The following IL17RE variants were observed in gnomAD, a reference collection of about 807,000 sequenced individuals.
IL17RE encodes interleukin-17 receptor E.
Under a neutral mutation model 70.7 loss-of-function variants are expected in IL17RE, and 47 were observed. The observed-to-expected ratio is 0.67, with a 90% CI of 0.53 to 0.85. The LOEUF (loss-of-function observed/expected upper bound fraction) is 0.85. Ranked by LOEUF, IL17RE falls within the 40% of genes least tolerant of loss-of-function variation. The probability of loss-of-function intolerance (pLI) is 0.00; values close to 1 mark genes in which losing one functional copy is unlikely to be tolerated. For missense variants in IL17RE, 850 were observed against 893.9 expected, an observed-to-expected ratio of 0.95 and a Z score of 0.63; for synonymous variants, 372 against 381.2, an observed-to-expected ratio of 0.98 and a Z score of 0.28.
In IL17RE at chr3:9,915,521, G is replaced by T; in HGVS notation, c.1718G>T (p.Arg573Leu). ...DLRPVSGPDP[R>L]AAPLLALLHA... ...CGCCCGGTCAGCGGCCCCGACCCCC[G>T]CGCCGCGCCCCTGCTCGCCCTGCTC... Residue 573 changes from arginine to leucine, a missense_variant, in exon 16 of 16, where the codon CGC (arginine) becomes CTC (leucine). By Grantham distance (102) the Arg-to-Leu change is moderately radical. Coordinates refer to ENST00000383814, the MANE Select transcript of IL17RE (RefSeq NM_153480.2). The surrounding 1 kb of genome is among the most constrained non-coding windows in gnomAD (Gnocchi z 4.9). 7.6e-7 allele frequency: 1 copy of T among 1,320,596 alleles called. No homozygotes were observed. Among genetic ancestry groups the T allele is most frequent in the African/African-American group, 1.5e-5 (1 of 64,884 alleles). The allele number at this position is 1,320,596 out of a possible 1,614,324, so 81.8% of individuals were successfully genotyped here.
chr3:9,903,770 C>T (rs1271432320), intron 2 of IL17RE, among the ~76,000 whole-genome samples: 3 of 152,176 alleles, frequency 2.0e-5, no homozygotes, highest in African/African-American at 7.2e-5. Flanking sequence ...TAACTGATCC[C>T]TCACTTCTAT....
chr3:9,902,656 T>TA, upstream of IL17RE: 2 of 1,536,160 alleles, frequency 1.3e-6, no homozygotes, highest in Non-Finnish European at 8.7e-7. Context: ...CCTTTCCTGT[T>TA]ACTTCTCACC....
chr3:9,914,407 C>T, intron 13 of IL17RE, 141 bp from the exon 14 acceptor site: 1 of 1,513,632 alleles, frequency 6.6e-7, no homozygotes, highest in South Asian at 1.3e-5. Context: ...GCCAGGCTAG[C>T]AGCTGGAGCA....
At chr3:9,911,377 A>C in intron 11 of IL17RE, 66 bp from the exon 12 acceptor site, 1 of 1,612,910 alleles carries the variant, frequency 6.2e-7, no homozygotes, top group Non-Finnish European at 8.5e-7. Flanking sequence ...GCTAAACCCC[A>C]GCCCAGCCCT....
At position 9,915,988 on chromosome 3, in the gene IL17RE, T is replaced by A; in HGVS notation, c.*181T>A. On this transcript the variant is annotated 3_prime_UTR_variant, in exon 16 of 16. Coordinates refer to ENST00000383814, the MANE Select transcript of IL17RE (RefSeq NM_153480.2). The surrounding 1 kb of genome is among the most constrained non-coding windows in gnomAD (Gnocchi z 4.9). ...GCCCAGTCCCCGCGCGCGTCCCTCT[T>A]CCTCCTCATACTTTCCCTTGACTGA... 8.9e-7 allele frequency: 1 copy of A among 1,119,782 alleles called. No homozygotes were observed. Among genetic ancestry groups the A allele is most frequent in the Non-Finnish European group, 1.2e-6 (1 of 855,076 alleles). 69.4% of individuals were successfully genotyped at this position (1,119,782 alleles called of 1,614,324 possible).
intron 12 of IL17RE, 155 bp downstream of exon 12, chr3:9,911,752 CT>C: frequency 8.8e-6 from 6 of 679,410 alleles, no homozygotes; most frequent in African/African-American, 1.8e-5. Context: ...CTCTGTTCAG[CT>C]AACTTGCTGA....
At chr3:9,909,091 C>A (rs968081035) in intron 7 of IL17RE, 126 bp from the exon 8 acceptor site, 3 of 722,908 alleles carry the variant, frequency 4.1e-6, no homozygotes, top group South Asian at 3.5e-5. Flanking sequence ...CCCTCCTGCT[C>A]GGTCAGTGCC....
chr3:9,915,410 G>C lies in IL17RE; in HGVS notation c.1607G>C (p.Gly536Ala). The change falls in exon 16 of 16, where the codon GGC (glycine) becomes GCC (alanine). Residue 536 changes from glycine to alanine, a missense_variant. By Grantham distance (60) the Gly-to-Ala change is moderately conservative. Transcript: ENST00000383814. The surrounding 1 kb of genome is among the most constrained non-coding windows in gnomAD (Gnocchi z 4.9). ...LWEGRHVARV[G>A]PLPWLWAART... is the part of the protein sequence containing the mutation. ...GAGGGGAGGCACGTGGCGCGCGTGG[G>C]CCCGCTGCCGTGGCTCTGGGCGGCG... is the stretch of plus-strand genomic sequence containing the variant. The C allele has an allele frequency of 7.3e-7, 1 of 1,361,548 alleles. No individual in the cohort carries two copies. The highest frequency in any genetic ancestry group is 9.4e-7 in the Non-Finnish European group (1 of 1,066,896). 84.3% of individuals were successfully genotyped at this position (1,361,548 alleles called of 1,614,324 possible). A position where few individuals can be genotyped will look rare whatever the true frequency, so the allele number is the denominator to read the frequency against.
At chr3:9,910,751 G>T in intron 8 of IL17RE, 114 bp from the exon 9 acceptor site, 1 of 825,862 alleles carries the variant, frequency 1.2e-6, no homozygotes, top group Non-Finnish European at 1.9e-6. Flanking sequence ...TTCTGGCCAG[G>T]AATAGTGCTG....
At position 9,911,027 on chromosome 3, in the gene IL17RE, G is replaced by A. The variant is rs138199794; in HGVS notation, c.965G>A (p.Arg322Gln). The change falls in exon 9 of 16, where the codon CGA (arginine) becomes CAA (glutamine). Residue 322 changes from arginine (R) to glutamine (Q), a missense_variant. Physicochemically the swap from Arg to Gln is conservative, Grantham distance 43 (BLOSUM62 1). Coordinates refer to ENST00000383814, the MANE Select transcript of IL17RE (RefSeq NM_153480.2). ...AAAGACCTCCCGAATGCCACAGCTC[G>A]AGAGTCAGATGGGGTGAGGACAGGT... ...LCKDLPNATARESDGWYVLEK... is the reference protein window; with the variant it reads ...LCKDLPNATAQESDGWYVLEK... 1.4e-5 allele frequency: 22 copies of A among 1,614,022 alleles called. No individual in the cohort carries two copies. Among genetic ancestry groups the A allele is most frequent in the Admixed American group, 8.3e-5 (5 of 59,994 alleles).
rs748532510 is a variant in IL17RE at position 9,911,108 on chromosome 3, C to G, written c.979-19C>G. On this transcript the variant is annotated intron_variant, in intron 9 of 15. Coordinates refer to ENST00000383814, the MANE Select transcript of IL17RE (RefSeq NM_153480.2). ...GCCCAGGAATTTTCTCCCTGATGAA[C>G]TCTCCTCTCCTCCCACAGTGGTATG... 1.2e-6 allele frequency: 2 copies of G among 1,613,982 alleles called. No homozygotes were observed. Among genetic ancestry groups the G allele is most frequent in the Non-Finnish European group, 1.7e-6 (2 of 1,179,846 alleles).
At chr3:9,911,790 C>CT (rs1448927666) in intron 12 of IL17RE, 193 bp downstream of exon 12, 15 of 480,258 alleles carry the variant, frequency 3.1e-5, no homozygotes, top group South Asian at 8.4e-5. Flanking sequence ...GGAGCATTTT[C>CT]TTTTTTTTCT....
At chr3:9,902,681 C>T (rs942559035), upstream of IL17RE, 3 of 1,536,138 alleles carry the variant, frequency 2.0e-6, no homozygotes, top group East Asian at 7.3e-5. Context: ...GCAGGAGCCC[C>T]TTGTCTTTCA....
chr3:9,908,805 G>A (rs1037979410), intron 7 of IL17RE, among the ~76,000 whole-genome samples: 10 of 152,210 alleles, frequency 6.6e-5, no homozygotes, highest in African/African-American at 2.4e-4. Context: ...AAGGGAGGAT[G>A]ATGGCAGAGA....
At chr3:9,912,356 C>T (rs1403901003) in intron 12 of IL17RE, among the ~76,000 whole-genome samples, 1 of 152,142 alleles carries the variant, frequency 6.6e-6, no homozygotes, top group Admixed American at 6.5e-5. Flanking sequence ...AATACTGATG[C>T]CTTCCCTTGA....
Position 9,915,617 on chromosome 3 carries a change from C to T in IL17RE, c.1814C>T (p.Pro605Leu). The T allele has an allele frequency of 7.8e-6, 11 of 1,413,132 alleles. No individual in the cohort carries two copies. The highest frequency in any genetic ancestry group is 8.3e-6 in the Non-Finnish European group (9 of 1,087,762). The allele number at this position is 1,413,132 out of a possible 1,614,324, so 87.5% of individuals were successfully genotyped here. The change falls in exon 16 of 16, where the codon CCG becomes CTG. Residue 605 changes from proline to leucine, a missense_variant. Pro to Leu is a moderately conservative substitution (Grantham distance 98). Coordinates refer to ENST00000383814, the MANE Select transcript of IL17RE (RefSeq NM_153480.2). This position sits in a 1 kb window ranked among gnomAD's most constrained non-coding sequence, Gnocchi z 4.9. ...CTCTGCGCCAAGGGCGACATCCCCC[C>T]GCCGCTGCGCGCCCTGCCGCGCTAC... ...SRLCAKGDIPPPLRALPRYRL... is the reference protein window; with the variant it reads ...SRLCAKGDIPLPLRALPRYRL...
chr3:9,906,973 C>A lies in IL17RE; in HGVS notation c.539C>A (p.Ser180Tyr). 6.2e-7 allele frequency: 1 copy of A among 1,614,170 alleles called. No homozygotes were observed. Among genetic ancestry groups the A allele is most frequent in the Non-Finnish European group, 8.5e-7 (1 of 1,180,032 alleles). Residue 180 changes from serine (S) to tyrosine (Y), a missense_variant, in exon 6 of 16, where the codon TCC (serine) becomes TAC (tyrosine). Transcript: ENST00000383814. Reference sequence around the variant, plus strand: ...TTCCTCTCCCCAGGACCCGAGTTCTCCTTTGATTTGCTGCCTGAGGCCCGG... The same window carrying A: ...TTCCTCTCCCCAGGACCCGAGTTCTACTTTGATTTGCTGCCTGAGGCCCGG... ...DSQRHGGPEF[S>Y]FDLLPEARAI... is the part of the protein sequence containing the mutation.
chr3:9,911,218 C>G, intron 10 of IL17RE, 37 bp from the exon 11 acceptor site: 1 of 1,614,182 alleles, frequency 6.2e-7, no homozygotes, highest in Non-Finnish European at 8.5e-7. Context: ...TGGGTATTGC[C>G]TGGAGCTTGC....
At chr3:9,906,625 G>C (rs1435794198) in intron 4 of IL17RE, 81 bp from the exon 5 acceptor site, 6 of 1,550,036 alleles carry the variant, frequency 3.9e-6, no homozygotes, top group African/African-American at 1.4e-5. Context: ...CTTGCCTGTA[G>C]TACCTCAGGT....
Sources: gnomAD v4.1 joint callset for allele counts (sites outside exome capture counted in the v4.1 genomes callset) on GRCh38, gnomAD v4.1.1 for gene constraint, Gnocchi (gnomAD v3.1) non-coding constraint, MANE v1.5 for transcripts, NCBI Gene and HGNC (gene_info 2026-07-23, HGNC 2026-07-21) for gene names.